Variants in CTNNA2 observed in about 807,000 individuals in gnomAD.
The protein encoded by CTNNA2 is catenin alpha 2, also known as catenin alpha-2.
CTNNA2 carries 42 observed loss-of-function variants against 101.0 expected under a neutral mutation model. That is an observed-to-expected ratio of 0.42 (90% CI 0.32 to 0.54). The LOEUF (loss-of-function observed/expected upper bound fraction) is 0.54, where lower values mean the gene tolerates loss of function less well. Ranked by LOEUF, CTNNA2 falls within the 20% of genes least tolerant of loss-of-function variation. The pLI is 0.14. For synonymous variants in CTNNA2, 450 were observed against 456.4 expected, an observed-to-expected ratio of 0.99 and a Z score of 0.18; for missense variants, 871 against 1,223.1, an observed-to-expected ratio of 0.71 and a Z score of 4.29.
intron 1 of CTNNA2, among the ~76,000 whole-genome samples, chr2:79,520,096 AT>A (rs1012142788): frequency 6.6e-6 from 1 of 152,194 alleles, no homozygotes; most frequent in African/African-American, 2.4e-5. Flanking sequence ...CCAAATTCCC[AT>A]TAAAATTATT....
rs72924687 is a variant in CTNNA2, at chr2:80,107,340, C to T, written c.1056+197543C>T. ...CAGTAGAGAGAGAAACAGCTTGACTCGAGAGAGGGAACTTGATTTCAGGGG... is the reference window on the plus strand; with the variant it reads ...CAGTAGAGAGAGAAACAGCTTGACTTGAGAGAGGGAACTTGATTTCAGGGG... On this transcript the variant is annotated intron_variant, in intron 7 of 18. Coordinates refer to ENST00000402739, the MANE Select transcript of CTNNA2 (RefSeq NM_001282597.3). 9.2e-3 allele frequency among the ~76,000 whole-genome samples: 1,405 copies of T among 152,120 alleles called. 19 individuals carry two copies. The highest frequency in any genetic ancestry group is 0.032 in the African/African-American group (1,346 of 41,476).
intron 3 of CTNNA2, among the ~76,000 whole-genome samples, chr2:79,769,098 G>A (rs1015235435): frequency 1.7e-4 from 26 of 152,150 alleles, no homozygotes; most frequent in African/African-American, 4.8e-4. Flanking sequence ...CTCGTGATCC[G>A]CCCGGCTCGG....
intron 7 of CTNNA2, among the ~76,000 whole-genome samples, chr2:80,377,549 T>G (rs1676076539): frequency 6.6e-6 from 1 of 152,152 alleles, no homozygotes; most frequent in South Asian, 2.1e-4. Context: ...CTTCGAAAGC[T>G]CTTGGAAGGA....
At position 80,025,549 on chromosome 2, in the gene CTNNA2, G is replaced by T. The variant is rs181776884; in HGVS notation, c.1056+115752G>T. On this transcript the variant is annotated intron_variant, in intron 7 of 18. Coordinates refer to ENST00000402739, the MANE Select transcript of CTNNA2 (RefSeq NM_001282597.3). ...CTAGAGGAAAACAAGGTGTATTTAG[G>T]GAAATAAGTTGTTTCCTACTGTATG... Among the ~76,000 whole-genome samples the T allele has an allele frequency of 5.8e-3, 882 of 152,272 alleles. 1 individual carries two copies. The highest frequency in any genetic ancestry group is 0.01 in the Middle Eastern group (3 of 294).
chr2:79,385,364 G>T (rs906581067), intron 4 of CTNNA2, among the ~76,000 whole-genome samples: 1 of 151,964 alleles, frequency 6.6e-6, no homozygotes, highest in East Asian at 1.9e-4. Flanking sequence ...CACTTCTTCC[G>T]CCTATATTCC....
intron 7 of CTNNA2, among the ~76,000 whole-genome samples, chr2:80,387,245 T>C (rs867063471): frequency 1.3e-5 from 2 of 152,080 alleles, no homozygotes; most frequent in East Asian, 1.9e-4. Flanking sequence ...GCCGAGATTG[T>C]GCCACTGCAC....
chr2:80,010,584 G>A (rs1436759031), intron 7 of CTNNA2, among the ~76,000 whole-genome samples: 1 of 152,126 alleles, frequency 6.6e-6, no homozygotes, highest in Non-Finnish European at 1.5e-5. Context: ...GATTGTAGGT[G>A]TGAGCCATGT....
At chr2:79,723,693 C>G (rs114873529) in intron 2 of CTNNA2, among the ~76,000 whole-genome samples, 168 of 152,262 alleles carry the variant, frequency 1.1e-3, no homozygotes, top group African/African-American at 3.8e-3. Flanking sequence ...TCTTGCTGAT[C>G]ATACATATGG....
chr2:80,426,457 C>T (rs1018204176), intron 9 of CTNNA2, among the ~76,000 whole-genome samples: 8 of 152,162 alleles, frequency 5.3e-5, no homozygotes, highest in African/African-American at 7.2e-5. Context: ...CCATCTCTAC[C>T]ATGCACACCT....
intron 4 of CTNNA2, among the ~76,000 whole-genome samples, chr2:79,482,652 A>G (rs935284320): frequency 6.6e-6 from 1 of 152,160 alleles, no homozygotes; most frequent in African/African-American, 2.4e-5. Context: ...TAAAAAGCCT[A>G]TTTTAAAAAG....
At position 80,313,797 on chromosome 2, in the gene CTNNA2, A is replaced by G. The variant is rs1297357250; in HGVS notation, c.1057-79414A>G. ...CTTGAACATGAATGGAGGAGAAAGGATACTGAAAGCAATGAGAGCAGTTGG... is the reference window on the plus strand; with the variant it reads ...CTTGAACATGAATGGAGGAGAAAGGGTACTGAAAGCAATGAGAGCAGTTGG... On this transcript the variant is annotated intron_variant, in intron 7 of 18. Coordinates refer to ENST00000402739, the MANE Select transcript of CTNNA2 (RefSeq NM_001282597.3). 6.1e-6 allele frequency: 4 copies of G among 654,284 alleles called. No individual in the cohort carries two copies. In the East Asian group the frequency reaches 1.1e-4, roughly 18 times the overall value. 40.5% of individuals were successfully genotyped at this position (654,284 alleles called of 1,614,324 possible). A position where few individuals can be genotyped will look rare whatever the true frequency, so the allele number is the denominator to read the frequency against.
intron 9 of CTNNA2, among the ~76,000 whole-genome samples, chr2:80,508,491 G>A (rs1232540783): frequency 6.6e-6 from 1 of 151,890 alleles, no homozygotes. Flanking sequence ...CAAAAAATAT[G>A]ACAAACAAGT....
intron 2 of CTNNA2, among the ~76,000 whole-genome samples, chr2:79,724,814 CAAAA>C (rs60016527): frequency 0.25 from 18,602 of 73,448 alleles, 1,116 homozygotes; most frequent in East Asian, 0.35. Flanking sequence ...GACTCCACCT[CAAAA>C]AAAAAAAAAA....
intron 1 of CTNNA2, among the ~76,000 whole-genome samples, chr2:79,535,923 C>T (rs1280331534): frequency 6.6e-6 from 1 of 152,126 alleles, no homozygotes; most frequent in Non-Finnish European, 1.5e-5. Context: ...CATAAAATAT[C>T]ACTAATGTTT....
At chr2:79,843,414 A>G (rs1016801285) in intron 3 of CTNNA2, among the ~76,000 whole-genome samples, 1 of 152,234 alleles carries the variant, frequency 6.6e-6, no homozygotes, top group Non-Finnish European at 1.5e-5. Context: ...CTATGTTAAT[A>G]TAGCAGCCTT....
intron 7 of CTNNA2, among the ~76,000 whole-genome samples, chr2:80,356,357 C>T (rs1673796375): frequency 6.6e-6 from 1 of 152,138 alleles, no homozygotes; most frequent in South Asian, 2.1e-4. Context: ...AGAGTGAGCT[C>T]ACCAAGATTC....
At chr2:79,286,317 G>T (rs1446624380) in intron 2 of CTNNA2, among the ~76,000 whole-genome samples, 1 of 152,266 alleles carries the variant, frequency 6.6e-6, no homozygotes, top group East Asian at 1.9e-4. Context: ...TGGTTATTTT[G>T]CTCGTTAGTT....
At chr2:79,962,667 A>G (rs917135479) in intron 7 of CTNNA2, among the ~76,000 whole-genome samples, 4 of 152,186 alleles carry the variant, frequency 2.6e-5, no homozygotes, top group Non-Finnish European at 5.9e-5. Flanking sequence ...AAGAGGTGCT[A>G]AGTTCCGACT....
At chr2:79,467,889 G>A (rs1278919959) in intron 4 of CTNNA2, among the ~76,000 whole-genome samples, 1 of 152,096 alleles carries the variant, frequency 6.6e-6, no homozygotes, top group Non-Finnish European at 1.5e-5. Flanking sequence ...CACTAAACAT[G>A]GAAAGGAACA....
Sources: gnomAD v4.1 joint callset for allele counts (sites outside exome capture counted in the v4.1 genomes callset) on GRCh38, gnomAD v4.1.1 for gene constraint, MANE v1.5 for transcripts, NCBI Gene and HGNC (gene_info 2026-07-23, HGNC 2026-07-21) for gene names.